AIM2: variants seen among roughly 807,000 people sequenced by gnomAD.
AIM2 encodes the protein absent in melanoma 2.
Under a neutral mutation model 27.7 loss-of-function variants are expected in AIM2, and 30 were observed. The observed-to-expected ratio is 1.08, with a 90% CI of 0.81 to 1.47. The LOEUF is 1.47. Ranked by LOEUF, AIM2 falls within the 40% of genes most tolerant of loss-of-function variation. AIM2 has a pLI of 0.00. For missense variants in AIM2, 358 were observed against 411.3 expected (o/e 0.87, Z 1.12); for synonymous variants, 141 against 145.3 (o/e 0.97, Z 0.21).
chr1:159,091,116 A>G (rs1302943247), intron 1 of AIM2, among the ~76,000 whole-genome samples: 2 of 152,226 alleles, frequency 1.3e-5, no homozygotes, highest in Non-Finnish European at 2.9e-5. Context: ...TCTTGTAGAA[A>G]TTGGCTTGTA....
intron 2 of AIM2, among the ~76,000 whole-genome samples, chr1:159,070,076 G>A (rs141614728): frequency 7.8e-4 from 118 of 152,228 alleles, no homozygotes; most frequent in African/African-American, 2.8e-3. Flanking sequence ...CATGGAACCC[G>A]CTTTGACCAA....
chr1:159,056,171 G>A, the AIM2 span, among the ~76,000 whole-genome samples: 1 of 152,232 alleles, frequency 6.6e-6, no homozygotes, highest in African/African-American at 2.4e-5. Flanking sequence ...AAAAGGAAAA[G>A]AGGGAAACGG....
chr1:159,134,785 T>C (rs748768484), intron 1 of AIM2, among the ~76,000 whole-genome samples: 1 of 152,064 alleles, frequency 6.6e-6, no homozygotes, highest in Non-Finnish European at 1.5e-5. Context: ...TGAGCTGAGA[T>C]CGCGACATTG....
chr1:159,082,869 A>C (rs915464742), intron 1 of AIM2, among the ~76,000 whole-genome samples: 1 of 152,220 alleles, frequency 6.6e-6, no homozygotes, highest in African/African-American at 2.4e-5. Context: ...GTACACAGCT[A>C]GACTGAAACT....
At chr1:159,112,543 T>C (rs186250172) in intron 1 of AIM2, among the ~76,000 whole-genome samples, 18 of 152,296 alleles carry the variant, frequency 1.2e-4, no homozygotes, top group African/African-American at 3.6e-4. Flanking sequence ...GGCAAAAATA[T>C]GGAAGTCGAA....
chr1:159,111,804 A>C (rs75738887), intron 1 of AIM2, among the ~76,000 whole-genome samples: 3 of 149,410 alleles, frequency 2.0e-5, no homozygotes, highest in Non-Finnish European at 3.0e-5. Context: ...CAAAAAAAAA[A>C]AAAAAAAAAA....
chr1:159,108,248 C>T (rs907924560), intron 1 of AIM2, among the ~76,000 whole-genome samples: 6 of 151,992 alleles, frequency 3.9e-5, no homozygotes, highest in Non-Finnish European at 8.8e-5. Context: ...GATGGAGGGA[C>T]GGTTTAACAT....
At chr1:159,092,888 T>A (rs964240907) in intron 1 of AIM2, among the ~76,000 whole-genome samples, 8 of 151,960 alleles carry the variant, frequency 5.3e-5, no homozygotes, top group Non-Finnish European at 1.2e-4. Flanking sequence ...TAGCTGAGTA[T>A]GGTGGTGGGC....
intron 1 of AIM2, among the ~76,000 whole-genome samples, chr1:159,119,597 C>G (rs1236422751): frequency 6.6e-6 from 1 of 152,170 alleles, no homozygotes; most frequent in East Asian, 1.9e-4. Context: ...TATTCCCTGT[C>G]TGAAACCTAG....
intron 5 of AIM2, 86 bp downstream of exon 5, chr1:159,063,400 G>A (rs1655926760): frequency 7.6e-7 from 1 of 1,323,370 alleles, no homozygotes; most frequent in Non-Finnish European, 1.0e-6. Flanking sequence ...TCTATATCCT[G>A]TTCAATGGCT....
chr1:159,118,731 A>G (rs73023751), intron 1 of AIM2, among the ~76,000 whole-genome samples: 5,016 of 152,242 alleles, frequency 0.033, 207 homozygotes, highest in East Asian at 0.13. Context: ...GGTGACTTCT[A>G]CTGGTATTAT....
At chr1:159,080,776 T>C (rs889370244), upstream of AIM2, among the ~76,000 whole-genome samples, 1 of 152,158 alleles carries the variant, frequency 6.6e-6, no homozygotes, top group African/African-American at 2.4e-5. Context: ...TTTCTAATAG[T>C]AAATAAACAA....
chr1:159,131,056 T>C (rs1052976801), intron 1 of AIM2, among the ~76,000 whole-genome samples: 1 of 152,132 alleles, frequency 6.6e-6, no homozygotes, highest in Non-Finnish European at 1.5e-5. Context: ...TTCCAGATGT[T>C]CCATGGTGTT....
chr1:159,097,934 G>A (rs1020284173), intron 1 of AIM2, among the ~76,000 whole-genome samples: 8 of 151,966 alleles, frequency 5.3e-5, no homozygotes, highest in South Asian at 4.1e-4. Flanking sequence ...GGTCTTCTTC[G>A]TTTTTCTCAT....
chr1:159,105,745 T>C (rs1657427623), intron 1 of AIM2, among the ~76,000 whole-genome samples: 1 of 152,160 alleles, frequency 6.6e-6, no homozygotes, highest in South Asian at 2.1e-4. Context: ...CCGATGTCTA[T>C]GTGAGTCTAG....
upstream of AIM2, among the ~76,000 whole-genome samples, chr1:159,080,826 T>G (rs1656759901): frequency 1.3e-5 from 2 of 152,196 alleles, no homozygotes; most frequent in Non-Finnish European, 2.9e-5. Flanking sequence ...CTTTAAATCT[T>G]CAGACTCTTG....
At chr1:159,113,065 C>T (rs1409150935) in intron 1 of AIM2, among the ~76,000 whole-genome samples, 1 of 151,982 alleles carries the variant, frequency 6.6e-6, no homozygotes, top group Non-Finnish European at 1.5e-5. Flanking sequence ...CTGCCTCAGC[C>T]TCCGGAGTAG....
intron 1 of AIM2, among the ~76,000 whole-genome samples, chr1:159,105,960 C>T (rs1305024678): frequency 2.0e-5 from 3 of 152,098 alleles, no homozygotes; most frequent in Non-Finnish European, 2.9e-5. Flanking sequence ...CCTTTCTGCC[C>T]GGGATCCTGT....
At chr1:159,069,604 G>A (rs999901107) in intron 2 of AIM2, among the ~76,000 whole-genome samples, 2 of 151,218 alleles carry the variant, frequency 1.3e-5, no homozygotes, top group Admixed American at 6.6e-5. Context: ...GTGCAGTGGC[G>A]CAATCTTGGC....
Sources: gnomAD v4.1 joint callset for allele counts (sites outside exome capture counted in the v4.1 genomes callset) on GRCh38, gnomAD v4.1.1 for gene constraint, MANE v1.5 for transcripts, NCBI Gene and HGNC (gene_info 2026-07-23, HGNC 2026-07-21) for gene names.